Variants in SEMA3A observed in about 807,000 individuals in gnomAD.
SEMA3A encodes semaphorin 3A.
In SEMA3A, 29 loss-of-function variants were observed where a neutral mutation model predicts 97.9. The observed-to-expected ratio is 0.30, with a 90% CI of 0.22 to 0.40. The LOEUF is 0.40. Among genes scored for constraint, SEMA3A ranks in the 10% least tolerant of loss-of-function variants. The pLI, the probability that SEMA3A is intolerant of heterozygous loss-of-function variation, is 1.00. For synonymous variants in SEMA3A, 321 were observed against 323.7 expected (o/e 0.99, Z 0.09); for missense variants, 763 against 951.3 (o/e 0.80, Z 2.60).
chr7:84,130,786 T>C (rs912504114), intron 2 of SEMA3A, among the ~76,000 whole-genome samples: 3 of 131,650 alleles, frequency 2.3e-5, no homozygotes, highest in African/African-American at 5.8e-5. Context: ...AATAATAATA[T>C]ATAACAGTTA....
chr7:84,107,174 T>C (rs995887835), intron 4 of SEMA3A, among the ~76,000 whole-genome samples: 7 of 152,186 alleles, frequency 4.6e-5, no homozygotes, highest in Non-Finnish European at 4.4e-5. Context: ...TCCCGATCTA[T>C]TACTGTCTTC....
At chr7:84,173,042 T>A (rs2116210941) in intron 1 of SEMA3A, among the ~76,000 whole-genome samples, 1 of 152,270 alleles carries the variant, frequency 6.6e-6, no homozygotes, top group Non-Finnish European at 1.5e-5. Flanking sequence ...GGGTAAGTTT[T>A]TGTTTCTGCC....
chr7:84,363,035 A>G (rs1421142112), intron 2 of SEMA3A, among the ~76,000 whole-genome samples: 1 of 151,970 alleles, frequency 6.6e-6, no homozygotes, highest in African/African-American at 2.4e-5. Flanking sequence ...TAGAGCAGGA[A>G]ATAGATGATA....
At chr7:84,344,788 T>C (rs906765725) in intron 2 of SEMA3A, among the ~76,000 whole-genome samples, 5 of 152,170 alleles carry the variant, frequency 3.3e-5, no homozygotes, top group African/African-American at 1.2e-4. Flanking sequence ...GTTTCCATTA[T>C]CTAGAGTGGG....
At chr7:84,445,152 C>G (rs1174302383) in intron 1 of SEMA3A, among the ~76,000 whole-genome samples, 1 of 151,976 alleles carries the variant, frequency 6.6e-6, no homozygotes, top group Non-Finnish European at 1.5e-5. Context: ...CATGAACATT[C>G]TGAAGTCACA....
chr7:84,164,805 C>G (rs1314833698), intron 1 of SEMA3A, among the ~76,000 whole-genome samples: 2 of 152,144 alleles, frequency 1.3e-5, no homozygotes, highest in Non-Finnish European at 2.9e-5. Context: ...ACTCTTAACA[C>G]TTTCCTTATT....
At chr7:84,243,698 GA>G (rs1168856671) in intron 3 of SEMA3A, among the ~76,000 whole-genome samples, 2 of 151,346 alleles carry the variant, frequency 1.3e-5, no homozygotes, top group Non-Finnish European at 3.0e-5. Context: ...GCTAGCTTTT[GA>G]ATTTGTGTTC....
chr7:84,235,875 T>G (rs760774888), intron 3 of SEMA3A, among the ~76,000 whole-genome samples: 9 of 152,134 alleles, frequency 5.9e-5, no homozygotes, highest in Non-Finnish European at 1.0e-4. Flanking sequence ...TTTCCTTCAC[T>G]TGGCCCCTAA....
At chr7:84,462,049 C>A (rs893537782) in intron 1 of SEMA3A, among the ~76,000 whole-genome samples, 1 of 151,992 alleles carries the variant, frequency 6.6e-6, no homozygotes, top group African/African-American at 2.4e-5. Flanking sequence ...TATTTTTAAA[C>A]GTTGGTGATA....
intron 1 of SEMA3A, among the ~76,000 whole-genome samples, chr7:84,476,287 A>T: frequency 6.6e-6 from 1 of 151,342 alleles, no homozygotes. Flanking sequence ...TCAACCCGGG[A>T]GGCGGAGGTT....
chr7:84,223,733 A>G (rs1430700088), intron 3 of SEMA3A, among the ~76,000 whole-genome samples: 3 of 151,872 alleles, frequency 2.0e-5, no homozygotes, highest in Non-Finnish European at 4.4e-5. Context: ...TAAAGATAAT[A>G]AAATTAACAT....
intron 1 of SEMA3A, among the ~76,000 whole-genome samples, chr7:84,387,282 A>T (rs911314843): frequency 1.1e-4 from 16 of 152,230 alleles, no homozygotes; most frequent in African/African-American, 3.8e-4. Context: ...TGCAATAAAT[A>T]AATAAATAAA....
At chr7:84,280,978 A>G (rs934594207) in intron 3 of SEMA3A, among the ~76,000 whole-genome samples, 29 of 152,200 alleles carry the variant, frequency 1.9e-4, no homozygotes, top group African/African-American at 6.3e-4. Context: ...GTTATAAACG[A>G]TATACTTCTT....
In SEMA3A at chr7:84,011,146, A is replaced by C. The variant is rs764933905; in HGVS notation, c.925+37T>G. 3.7e-6 allele frequency: 6 copies of C among 1,604,766 alleles called. No individual in the cohort carries two copies. The South Asian group carries it at 6.6e-5, about 18-fold the overall frequency. ...CTTTTTTATGGAATGGCAAAGTCTG[A>C]ACAAATATTCTCTATACATAAACAC... On this transcript the variant is annotated intron_variant, in intron 8 of 16. Coordinates refer to ENST00000265362, the MANE Select transcript of SEMA3A (RefSeq NM_006080.3).
chr7:83,989,270 C>T (rs1192619312), intron 12 of SEMA3A, among the ~76,000 whole-genome samples: 1 of 151,942 alleles, frequency 6.6e-6, no homozygotes, highest in Non-Finnish European at 1.5e-5. Flanking sequence ...AATATTTATA[C>T]ATTTCATGTT....
At chr7:83,968,434 T>G (rs1201447266) in intron 15 of SEMA3A, among the ~76,000 whole-genome samples, 1 of 152,194 alleles carries the variant, frequency 6.6e-6, no homozygotes, top group Non-Finnish European at 1.5e-5. Flanking sequence ...TATGTTTACT[T>G]TTGGAAAATT....
intron 3 of SEMA3A, among the ~76,000 whole-genome samples, chr7:84,246,854 A>AT (rs1314942049): frequency 1.3e-5 from 2 of 152,128 alleles, no homozygotes; most frequent in African/African-American, 4.8e-5. Context: ...ATACAAGGTT[A>AT]TTTTTCACAG....
At chr7:84,487,846 A>G (rs1806615501) in intron 1 of SEMA3A, among the ~76,000 whole-genome samples, 1 of 152,170 alleles carries the variant, frequency 6.6e-6, no homozygotes. Context: ...TGCTGATCAT[A>G]TTTAAATATC....
intron 1 of SEMA3A, among the ~76,000 whole-genome samples, chr7:84,477,334 G>C (rs1806316995): frequency 6.7e-6 from 1 of 149,512 alleles, no homozygotes; most frequent in African/African-American, 2.5e-5. Context: ...AGCTACTCGG[G>C]AGGCTGAGGC....
Sources: gnomAD v4.1 joint callset for allele counts (sites outside exome capture counted in the v4.1 genomes callset) on GRCh38, gnomAD v4.1.1 for gene constraint, MANE v1.5 for transcripts, NCBI Gene and HGNC (gene_info 2026-07-23, HGNC 2026-07-21) for gene names.